ETV6: variants seen among roughly 807,000 people sequenced by gnomAD.
ETV6 encodes ETS variant transcription factor 6.
ETV6 carries 16 observed loss-of-function variants against 51.1 expected under a neutral mutation model. That is an observed-to-expected ratio of 0.31 (90% CI 0.21 to 0.48). The LOEUF is 0.48. Among genes scored for constraint, ETV6 ranks in the 20% least tolerant of loss-of-function variants. The pLI is 0.99. For synonymous variants in ETV6, 240 were observed against 224.1 expected (o/e 1.07, Z -0.64); for missense variants, 458 against 594.8 (o/e 0.77, Z 2.39).
intron 2 of ETV6, among the ~76,000 whole-genome samples, chr12:11,769,726 A>G (rs890014936): frequency 1.3e-5 from 2 of 152,264 alleles, no homozygotes; most frequent in South Asian, 2.1e-4. Context: ...GACCAGATCT[A>G]GACTGTAACA....
rs916350759 is a variant in ETV6 at position 11,891,544 on chromosome 12, CCT to C, written c.*501_*502del. 12 of 535,136 alleles carry C rather than the reference CCT, an allele frequency of 2.2e-5. No individual in the cohort carries two copies. The highest frequency in any genetic ancestry group is 1.3e-4 in the Admixed American group (6 of 44,856). 33.1% of individuals were successfully genotyped at this position (535,136 alleles called of 1,614,324 possible). A position where few individuals can be genotyped will look rare whatever the true frequency, so the allele number is the denominator to read the frequency against. On this transcript the variant is annotated 3_prime_UTR_variant, in exon 8 of 8. Transcript: ENST00000396373. ...GAATACTTGCAGAGGGGTTCAGGTT[CCT>C]CTTTTTCCTGCCACGTGGATCAGGT...
At chr12:11,660,624 G>T (rs1468697095) in intron 1 of ETV6, among the ~76,000 whole-genome samples, 1 of 147,954 alleles carries the variant, frequency 6.8e-6, no homozygotes, top group African/African-American at 2.5e-5. Context: ...AAAGGGAGAT[G>T]GGGGACATGG....
intron 5 of ETV6, among the ~76,000 whole-genome samples, chr12:11,876,527 A>G (rs1162392609): frequency 6.6e-6 from 1 of 152,226 alleles, no homozygotes; most frequent in Non-Finnish European, 1.5e-5. Context: ...AACCTGAGCC[A>G]CCAGATTTCC....
chr12:11,789,498 T>C (rs1945548787), intron 2 of ETV6, among the ~76,000 whole-genome samples: 1 of 152,128 alleles, frequency 6.6e-6, no homozygotes, highest in Non-Finnish European at 1.5e-5. Context: ...CTATGACCTT[T>C]GTTCACTTTT....
chr12:11,794,083 C>T (rs554897365), intron 2 of ETV6, among the ~76,000 whole-genome samples: 11 of 152,154 alleles, frequency 7.2e-5, no homozygotes, highest in Non-Finnish European at 1.3e-4. Flanking sequence ...ACAGCACTGA[C>T]GCCCGCTGAA....
At chr12:11,663,515 T>C (rs1864138367) in intron 1 of ETV6, among the ~76,000 whole-genome samples, 1 of 152,176 alleles carries the variant, frequency 6.6e-6, no homozygotes, top group South Asian at 2.1e-4. Flanking sequence ...TTCTAGCATA[T>C]AGAGGAAAAG....
chr12:11,685,696 GATGTAA>G (rs1459157728), intron 1 of ETV6, among the ~76,000 whole-genome samples: 1 of 152,136 alleles, frequency 6.6e-6, no homozygotes, highest in Non-Finnish European at 1.5e-5. Context: ...GATCAAGTTT[GATGTAA>G]ATGTAATAGC....
chr12:11,895,295 A>AAC lies in ETV6; in HGVS notation c.*4250_*4251insCA, dbSNP rs1444284378. On this transcript the variant is annotated 3_prime_UTR_variant, in exon 8 of 8. Coordinates refer to ENST00000396373, the MANE Select transcript of ETV6 (RefSeq NM_001987.5). ...AAATGAATGTAACAAAAAAGAAAAA[A>AAC]AAAACAAAAAAAAATGCCTTTTCTC... 4 of 232,514 alleles carry AAC rather than the reference A, an allele frequency of 1.7e-5. No homozygotes were observed. The highest frequency in any genetic ancestry group is 2.6e-5 in the Non-Finnish European group (3 of 117,608). 14.4% of individuals were successfully genotyped at this position (232,514 alleles called of 1,614,324 possible).
chr12:11,864,677 T>C (rs544802385), intron 4 of ETV6, among the ~76,000 whole-genome samples: 1 of 152,322 alleles, frequency 6.6e-6, no homozygotes, highest in South Asian at 2.1e-4. Flanking sequence ...TAAGCATTTC[T>C]ATGCATTTGG....
chr12:11,704,951 A>G (rs907148665), intron 1 of ETV6, among the ~76,000 whole-genome samples: 4 of 152,228 alleles, frequency 2.6e-5, no homozygotes, highest in African/African-American at 9.6e-5. Context: ...ACAGAAAGAA[A>G]CATATTGTAT....
Position 11,891,303 on chromosome 12 carries a change from C to T in ETV6, c.*257C>T. Reference sequence around the variant, plus strand: ...GTCACGTTTCCTTCTGATTTGGAATCTCTCCATCTGTAATTCCTCACCCTC... The same window carrying T: ...GTCACGTTTCCTTCTGATTTGGAATTTCTCCATCTGTAATTCCTCACCCTC... On this transcript the variant is annotated 3_prime_UTR_variant, in exon 8 of 8. Transcript: ENST00000396373. 2.3e-6 allele frequency: 1 copy of T among 436,196 alleles called. No homozygotes were observed. The highest frequency in any genetic ancestry group is 4.1e-6 in the Non-Finnish European group (1 of 241,596). 27.0% of individuals were successfully genotyped at this position (436,196 alleles called of 1,614,324 possible).
intron 1 of ETV6, among the ~76,000 whole-genome samples, chr12:11,668,565 C>A (rs530578322): frequency 6.6e-6 from 1 of 152,200 alleles, no homozygotes; most frequent in South Asian, 2.1e-4. Flanking sequence ...TTTCCAAAGA[C>A]AGCACAGACG....
At chr12:11,658,553 T>C (rs551242872) in intron 1 of ETV6, among the ~76,000 whole-genome samples, 11 of 152,332 alleles carry the variant, frequency 7.2e-5, no homozygotes, top group African/African-American at 2.4e-4. Flanking sequence ...GGGATGTTAA[T>C]GGCCTTGCTC....
chr12:11,878,887 A>G (rs1947040555), intron 5 of ETV6, among the ~76,000 whole-genome samples: 1 of 150,598 alleles, frequency 6.6e-6, no homozygotes, highest in Non-Finnish European at 1.5e-5. Context: ...GTGTTTCTCT[A>G]AGCAGGGTTT....
At chr12:11,829,929 C>A (rs1946216807) in intron 2 of ETV6, among the ~76,000 whole-genome samples, 1 of 152,196 alleles carries the variant, frequency 6.6e-6, no homozygotes, top group Non-Finnish European at 1.5e-5. Flanking sequence ...ATAGCACATT[C>A]AAGATTACAG....
intron 4 of ETV6, among the ~76,000 whole-genome samples, chr12:11,861,445 G>C (rs1035379041): frequency 6.6e-5 from 10 of 152,112 alleles, no homozygotes; most frequent in African/African-American, 2.4e-4. Flanking sequence ...CGGAGTGTAG[G>C]GACTGGATTG....
At chr12:11,749,326 C>G (rs1205276394) in intron 1 of ETV6, among the ~76,000 whole-genome samples, 1 of 106,178 alleles carries the variant, frequency 9.4e-6, no homozygotes, top group African/African-American at 2.9e-5. Flanking sequence ...CACACACACA[C>G]ACACACACAC....
chr12:11,876,029 T>G (rs998960774), intron 5 of ETV6, among the ~76,000 whole-genome samples: 1 of 152,158 alleles, frequency 6.6e-6, no homozygotes, highest in Non-Finnish European at 1.5e-5. Flanking sequence ...ATAGGTGCAA[T>G]GTAGGATGCA....
intron 2 of ETV6, among the ~76,000 whole-genome samples, chr12:11,760,410 T>C (rs1278681218): frequency 6.6e-6 from 1 of 152,176 alleles, no homozygotes. Flanking sequence ...AAGGGAAAGT[T>C]GACTGCACAG....
Sources: gnomAD v4.1 joint callset for allele counts (sites outside exome capture counted in the v4.1 genomes callset) on GRCh38, gnomAD v4.1.1 for gene constraint, MANE v1.5 for transcripts, NCBI Gene and HGNC (gene_info 2026-07-23, HGNC 2026-07-21) for gene names.